Variants in HEATR5B observed in about 807,000 individuals in gnomAD.
The protein encoded by HEATR5B is HEAT repeat containing 5B.
A neutral mutation model predicts 224.1 loss-of-function variants in HEATR5B; 156 were observed. The observed-to-expected ratio is 0.70, with a 90% confidence interval of 0.61 to 0.80. HEATR5B has a LOEUF of 0.80. Among genes scored for constraint, HEATR5B ranks in the 30% least tolerant of loss-of-function variants. HEATR5B has a pLI of 0.00. For missense variants in HEATR5B, 2,323 were observed against 2,535.5 expected, an observed-to-expected ratio of 0.92 and a Z score of 1.80; for synonymous variants, 1,027 against 893.0, an observed-to-expected ratio of 1.15 and a Z score of -2.68.
intron 32 of HEATR5B, 80 bp downstream of exon 32, chr2:37,002,226 A>T (rs1667132995): frequency 6.7e-7 from 1 of 1,482,098 alleles, no homozygotes; most frequent in Non-Finnish European, 9.3e-7. Context: ...ACTGGGTTAT[A>T]ACAGTGCTTA....
intron 2 of HEATR5B, among the ~76,000 whole-genome samples, chr2:37,082,250 A>T (rs1455705936): frequency 6.6e-6 from 1 of 150,814 alleles, no homozygotes; most frequent in Non-Finnish European, 1.5e-5. Flanking sequence ...TCGTACTTTT[A>T]GCAGTGTTTA....
intron 8 of HEATR5B, 36 bp from the exon 9 acceptor site, chr2:37,065,946 A>T (rs199980613): frequency 6.4e-7 from 1 of 1,572,536 alleles, no homozygotes; most frequent in Admixed American, 1.8e-5. Flanking sequence ...ACATAGGAGA[A>T]ATGAATTGTG....
At chr2:37,038,890 ACT>A (rs1669686474) in intron 20 of HEATR5B, among the ~76,000 whole-genome samples, 1 of 120,622 alleles carries the variant, frequency 8.3e-6, no homozygotes. Context: ...ACAGAGCAAG[ACT>A]CTGTCTCCCT....
intron 21 of HEATR5B, among the ~76,000 whole-genome samples, 199 bp downstream of exon 21, chr2:37,037,656 T>C (rs1473511072): frequency 2.0e-5 from 3 of 152,188 alleles, no homozygotes; most frequent in African/African-American, 7.2e-5. Flanking sequence ...GGATTATTTA[T>C]AACACAAATA....
Position 37,040,896 on chromosome 2 carries a change from A to G in HEATR5B, c.2856+237T>C. The G allele has an allele frequency of 8.3e-6, 4 of 483,756 alleles. No homozygotes were observed. The South Asian group carries it at 1.5e-4, about 18-fold the overall frequency. The allele number at this position is 483,756 out of a possible 1,614,324, so 30.0% of individuals were successfully genotyped here. ...AAAAGAGGAAAAAAGTACACAGAAT[A>G]ATACACAATAAAAAGAAAATATGTT... On this transcript the variant is annotated intron_variant, in intron 19 of 35. Coordinates refer to ENST00000233099, the MANE Select transcript of HEATR5B (RefSeq NM_019024.3).
chr2:37,024,755 A>G (rs1668666093), intron 24 of HEATR5B, among the ~76,000 whole-genome samples: 2 of 152,192 alleles, frequency 1.3e-5, no homozygotes, highest in Admixed American at 6.5e-5. Flanking sequence ...TCTATCACCT[A>G]ATTTACAAAG....
intron 2 of HEATR5B, 21 bp downstream of exon 2, chr2:37,083,268 G>GA (rs749797168): frequency 1.9e-6 from 3 of 1,613,304 alleles, no homozygotes; most frequent in Non-Finnish European, 1.7e-6. Context: ...ATGCAACTGG[G>GA]AAAAAAGAGC....
intron 24 of HEATR5B, among the ~76,000 whole-genome samples, chr2:37,021,282 G>A (rs528743442): frequency 1.3e-5 from 2 of 152,188 alleles, no homozygotes; most frequent in Non-Finnish European, 2.9e-5. Flanking sequence ...TTCCCAGGTA[G>A]CTGTAATTTC....
At position 37,060,734 on chromosome 2, in the gene HEATR5B, C is replaced by T. The variant is rs779478350; in HGVS notation, c.1697-1G>A. On this transcript the variant is annotated splice_acceptor_variant, in intron 11 of 35. Coordinates refer to ENST00000233099, the MANE Select transcript of HEATR5B (RefSeq NM_019024.3). LOFTEE classifies it high-confidence loss of function. ...AGATGGTAACGAACGACAGATGGTC[C>T]TAGCCAAGAAAATGAGAATACAAAA... is the stretch of plus-strand genomic sequence containing the variant. 1 of 1,610,060 alleles carries T rather than the reference C, an allele frequency of 6.2e-7. No homozygotes were observed. The highest frequency in any genetic ancestry group is 1.1e-5 in the South Asian group (1 of 90,556).
intron 26 of HEATR5B, among the ~76,000 whole-genome samples, chr2:37,015,878 A>C (rs1264615814): frequency 6.6e-6 from 1 of 152,174 alleles, no homozygotes; most frequent in Admixed American, 6.5e-5. Context: ...AATTTTTTTC[A>C]AGGACAGCTT....
intron 15 of HEATR5B, 22 bp from the exon 16 acceptor site, chr2:37,056,637 A>G: frequency 6.4e-7 from 1 of 1,565,344 alleles, no homozygotes. Context: ...TGAAATAAAA[A>G]TTATTCAAAA....
In HEATR5B at chr2:37,007,055, A is replaced by G; in HGVS notation, c.4772T>C (p.Ile1591Thr). The change falls in exon 29 of 36, where the codon ATT (isoleucine) becomes ACT (threonine). Residue 1591 changes from isoleucine to threonine, a missense_variant. By Grantham distance (89) the Ile-to-Thr change is moderately conservative (BLOSUM62 -1). Coordinates refer to ENST00000233099, the MANE Select transcript of HEATR5B (RefSeq NM_019024.3). The part of the protein sequence containing the change: ...PEINKDRMHL[I>T]LGVSIQFLCS... ...TATTAATATGACAGACCTACCTAAA[A>G]TCAGATGCATTCTGTCTTTGTTAAT... 1 of 1,613,740 alleles carries G rather than the reference A, an allele frequency of 6.2e-7. No individual in the cohort carries two copies. Among genetic ancestry groups the G allele is most frequent in the Non-Finnish European group, 8.5e-7 (1 of 1,179,646 alleles).
At chr2:37,072,976 C>T (rs1000885203) in intron 5 of HEATR5B, among the ~76,000 whole-genome samples, 3 of 152,034 alleles carry the variant, frequency 2.0e-5, no homozygotes, top group African/African-American at 7.2e-5. Context: ...AAAATCTTTC[C>T]CTCAAAAAAA....
At chr2:36,994,656 G>C (rs1431904779) in intron 33 of HEATR5B, among the ~76,000 whole-genome samples, 1 of 152,084 alleles carries the variant, frequency 6.6e-6, no homozygotes, top group East Asian at 1.9e-4. Context: ...GAACTAGCTT[G>C]ATAACATATC....
chr2:37,065,377 G>GATTTCGGCTC (rs570895125), intron 9 of HEATR5B, among the ~76,000 whole-genome samples: 1 of 151,184 alleles, frequency 6.6e-6, no homozygotes, highest in Non-Finnish European at 1.5e-5. Context: ...GCAGTGGCAT[G>GATTTCGGCTC]ATTTCGGCTC....
At position 37,077,029 on chromosome 2, in the gene HEATR5B, G is replaced by T; in HGVS notation, c.339-10C>A. 6.3e-7 allele frequency: 1 copy of T among 1,593,582 alleles called. No individual in the cohort carries two copies. The highest frequency in any genetic ancestry group is 1.1e-5 in the South Asian group (1 of 90,564). On this transcript the variant is annotated splice_polypyrimidine_tract_variant and intron_variant, in intron 3 of 35. Coordinates refer to ENST00000233099, the MANE Select transcript of HEATR5B (RefSeq NM_019024.3). ...ACAAGCCACCGCAGCCCTGTAAGAA[G>T]TGACAACTTCACTAGTCATTGTCCA...
intron 10 of HEATR5B, among the ~76,000 whole-genome samples, chr2:37,062,416 C>T (rs1004909352): frequency 2.0e-5 from 3 of 151,836 alleles, no homozygotes; most frequent in Non-Finnish European, 2.9e-5. Context: ...GGTGACAGAG[C>T]GAGACTCCGT....
At chr2:37,051,354 C>CA (rs11313174) in intron 17 of HEATR5B, among the ~76,000 whole-genome samples, 2,178 of 63,514 alleles carry the variant, frequency 0.034, 11 homozygotes, top group East Asian at 0.056. Flanking sequence ...AACTCCATCT[C>CA]AAAAAAAAAA....
At chr2:37,055,977 T>A (rs1253101858) in intron 16 of HEATR5B, among the ~76,000 whole-genome samples, 1 of 152,226 alleles carries the variant, frequency 6.6e-6, no homozygotes, top group Non-Finnish European at 1.5e-5. Flanking sequence ...GTTCTAGACT[T>A]GAACCATCTC....
Sources: gnomAD v4.1 joint callset for allele counts (sites outside exome capture counted in the v4.1 genomes callset) on GRCh38, gnomAD v4.1.1 for gene constraint, MANE v1.5 for transcripts, NCBI Gene and HGNC (gene_info 2026-07-23, HGNC 2026-07-21) for gene names.